The following UBE2F variants were observed in gnomAD, a reference collection of about 807,000 sequenced individuals.
UBE2F encodes ubiquitin conjugating enzyme E2 F (putative).
Under a neutral mutation model 29.6 loss-of-function variants are expected in UBE2F, and 5 were observed. The observed-to-expected ratio is 0.17, with a 90% CI of 0.09 to 0.36. UBE2F has a LOEUF of 0.36. Among genes scored for constraint, UBE2F ranks in the 10% least tolerant of loss-of-function variants. The pLI, the probability that UBE2F is intolerant of heterozygous loss-of-function variation, is 1.00. For synonymous variants in UBE2F, 66 were observed against 81.8 expected (o/e 0.81, Z 1.04); for missense variants, 141 against 228.5 (o/e 0.62, Z 2.47).
At chr2:237,986,027 A>G (rs904250419) in intron 2 of UBE2F, 1 of 201,048 alleles carries the variant, frequency 5.0e-6, no homozygotes, top group Non-Finnish European at 1.0e-5. Flanking sequence ...CCCATTTTTA[A>G]TTTTTTTTTG....
chr2:238,003,439 A>T (rs970428231), intron 4 of UBE2F: 19 of 470,256 alleles, frequency 4.0e-5, no homozygotes, highest in African/African-American at 3.8e-4. Context: ...TGATACAGAG[A>T]CACCTGATCT....
At chr2:238,026,050 T>G (rs1000012568) in intron 6 of UBE2F, among the ~76,000 whole-genome samples, 21 of 152,326 alleles carry the variant, frequency 1.4e-4, no homozygotes, top group African/African-American at 4.8e-4. Context: ...CATTTGGGCT[T>G]TATTTTTTCT....
chr2:238,013,383 C>T (rs1364328031), intron 4 of UBE2F, among the ~76,000 whole-genome samples: 3 of 152,176 alleles, frequency 2.0e-5, no homozygotes, highest in East Asian at 1.9e-4. Context: ...CTTAATGTGT[C>T]GCTTTGAGGT....
intron 2 of UBE2F, 86 bp downstream of exon 2, chr2:237,973,311 A>G: frequency 7.1e-7 from 1 of 1,417,490 alleles, no homozygotes; most frequent in Non-Finnish European, 9.8e-7. Flanking sequence ...AAAGCAACCT[A>G]CTGCTGAATA....
intron 4 of UBE2F, among the ~76,000 whole-genome samples, chr2:238,013,697 C>G (rs2064092380): frequency 6.6e-6 from 1 of 152,090 alleles, no homozygotes; most frequent in South Asian, 2.1e-4. Context: ...TCCCAGGGCT[C>G]TCGGTAATCT....
At position 238,041,355 on chromosome 2, in the gene UBE2F, C is replaced by T; in HGVS notation, c.*17C>T. The T allele has an allele frequency of 1.9e-6, 3 of 1,613,404 alleles. No homozygotes were observed. Among genetic ancestry groups the T allele is most frequent in the Non-Finnish European group, 2.5e-6 (3 of 1,179,540 alleles). On this transcript the variant is annotated 3_prime_UTR_variant, in exon 10 of 10. Transcript: ENST00000272930. ...GCCAGATGATAAAAGGGGACGATTG[C>T]AGGCCCATGGACTGTGTTACAGTTT...
At chr2:237,979,285 AT>A (rs1410595861) in intron 2 of UBE2F, among the ~76,000 whole-genome samples, 1 of 152,172 alleles carries the variant, frequency 6.6e-6, no homozygotes, top group Non-Finnish European at 1.5e-5. Context: ...CTGGCTGCCC[AT>A]CTGCCTGAGC....
chr2:238,021,904 G>T (rs941711610), intron 5 of UBE2F, among the ~76,000 whole-genome samples: 1 of 152,204 alleles, frequency 6.6e-6, no homozygotes, highest in African/African-American at 2.4e-5. Context: ...ATGTCTGTCT[G>T]CCTCTTTCCT....
chr2:237,979,589 T>C (rs1028574176), intron 2 of UBE2F, among the ~76,000 whole-genome samples: 1 of 152,132 alleles, frequency 6.6e-6, no homozygotes, highest in African/African-American at 2.4e-5. Context: ...ACAATACATA[T>C]TTTAAAAACT....
chr2:238,024,685 C>G (rs1010694129), intron 5 of UBE2F, among the ~76,000 whole-genome samples: 1 of 152,116 alleles, frequency 6.6e-6, no homozygotes, highest in African/African-American at 2.4e-5. Flanking sequence ...AGTGAGCCAC[C>G]ATGCCCAAAC....
chr2:237,988,083 C>A, intron 3 of UBE2F, 91 bp downstream of exon 3: 1 of 717,662 alleles, frequency 1.4e-6, no homozygotes, highest in East Asian at 3.0e-5. Flanking sequence ...AGTAAAAAGC[C>A]TATTTTTCAT....
rs933742561 is a variant in UBE2F at position 237,967,415 on chromosome 2, G to A, written c.-17+283G>A. ...AGTGAGTGACCGCGGCGGCGGCGGC[G>A]GGGGACGGCCCGCGCCGAGCACCTG... On this transcript the variant is annotated intron_variant, in intron 1 of 9. Coordinates refer to ENST00000272930, the MANE Select transcript of UBE2F (RefSeq NM_080678.3). The surrounding 1 kb of genome is among the most constrained non-coding windows in gnomAD (Gnocchi z 6.3). 3.3e-5 allele frequency among the ~76,000 whole-genome samples: 5 copies of A among 151,344 alleles called. No homozygotes were observed. Among genetic ancestry groups the A allele is most frequent in the Non-Finnish European group, 7.4e-5 (5 of 67,754 alleles).
chr2:237,976,121 C>T (rs916437605), intron 2 of UBE2F, among the ~76,000 whole-genome samples: 2 of 152,218 alleles, frequency 1.3e-5, no homozygotes, highest in African/African-American at 4.8e-5. Flanking sequence ...CCCTAAGAGG[C>T]CCAGAGGGCG....
At chr2:238,033,050 C>G (rs929181641) in intron 8 of UBE2F, among the ~76,000 whole-genome samples, 1 of 152,216 alleles carries the variant, frequency 6.6e-6, no homozygotes, top group African/African-American at 2.4e-5. Flanking sequence ...GCCCAGTCCA[C>G]TTCTGTGCCT....
chr2:238,000,614 G>A (rs1160992171), intron 4 of UBE2F, among the ~76,000 whole-genome samples: 3 of 152,144 alleles, frequency 2.0e-5, no homozygotes, highest in Non-Finnish European at 4.4e-5. Flanking sequence ...ACATGAAGCT[G>A]TTAAAATTTT....
At chr2:238,024,601 C>T (rs1425575600) in intron 5 of UBE2F, among the ~76,000 whole-genome samples, 2 of 152,126 alleles carry the variant, frequency 1.3e-5, no homozygotes, top group Non-Finnish European at 2.9e-5. Context: ...ACCTCGACCT[C>T]CCAAAGTGCT....
chr2:238,033,505 T>C (rs562745944), intron 8 of UBE2F, among the ~76,000 whole-genome samples: 3 of 152,334 alleles, frequency 2.0e-5, no homozygotes, highest in East Asian at 3.9e-4. Flanking sequence ...CCAGGTGTCA[T>C]GTGGGTCACT....
intron 2 of UBE2F, among the ~76,000 whole-genome samples, chr2:237,977,939 A>G (rs2063313592): frequency 1.3e-5 from 2 of 152,064 alleles, no homozygotes; most frequent in Non-Finnish European, 2.9e-5. Flanking sequence ...TTTGTCATGC[A>G]GGATCCTTAC....
chr2:237,983,933 C>T (rs1559203941), intron 2 of UBE2F, among the ~76,000 whole-genome samples: 1 of 152,052 alleles, frequency 6.6e-6, no homozygotes, highest in Non-Finnish European at 1.5e-5. Flanking sequence ...CTTTTGTTGA[C>T]CTTACCCAGT....
Sources: allele counts gnomAD v4.1 joint callset (sites outside exome capture counted in the v4.1 genomes callset), GRCh38; gene constraint gnomAD v4.1.1; non-coding constraint Gnocchi (gnomAD v3.1); transcripts MANE v1.5; gene names NCBI Gene and HGNC (gene_info 2026-07-23, HGNC 2026-07-21).